Variants in MTR observed in about 807,000 individuals in gnomAD.
MTR encodes the protein 5-methyltetrahydrofolate-homocysteine methyltransferase.
A neutral mutation model predicts 154.8 loss-of-function variants in MTR; 84 were observed. That is an observed-to-expected ratio of 0.54 (90% CI 0.45 to 0.65). The LOEUF is 0.65. Ranked by LOEUF, MTR falls within the 30% of genes least tolerant of loss-of-function variation. The pLI, the probability that MTR is intolerant of heterozygous loss-of-function variation, is 0.00. For missense variants in MTR, 1,275 were observed against 1,570.2 expected (o/e 0.81, Z 3.18); for synonymous variants, 554 against 553.9 (o/e 1.00, Z 0.00).
rs1347818235 is a variant in MTR at position 236,874,711 on chromosome 1, A to T, written c.2474-15A>T. 5.2e-6 allele frequency: 8 copies of T among 1,540,494 alleles called. No individual in the cohort carries two copies. The highest frequency in any genetic ancestry group is 1.8e-4 in the Middle Eastern group (1 of 5,448). On this transcript the variant is annotated splice_polypyrimidine_tract_variant and intron_variant, in intron 23 of 32. Transcript: ENST00000366577. ...GTCCTTTTTGTCCTTTTTTTTTTAAAAAAAAAAAAAATAGATATAATTGGC... is the reference window on the plus strand; with the variant it reads ...GTCCTTTTTGTCCTTTTTTTTTTAATAAAAAAAAAAATAGATATAATTGGC...
chr1:236,836,739 C>T (rs190761789), intron 14 of MTR, among the ~76,000 whole-genome samples: 16 of 152,192 alleles, frequency 1.1e-4, no homozygotes, highest in Non-Finnish European at 1.9e-4. Flanking sequence ...CTTGTCATTC[C>T]TCTGGGAGTA....
intron 1 of MTR, among the ~76,000 whole-genome samples, chr1:236,798,595 C>T (rs191572693): frequency 5.3e-5 from 8 of 152,336 alleles, no homozygotes; most frequent in Admixed American, 3.3e-4. Flanking sequence ...GGACTCTCCT[C>T]TGCACTGCGG....
intron 22 of MTR, 98 bp downstream of exon 22, chr1:236,863,652 G>C: frequency 9.5e-7 from 1 of 1,050,544 alleles, no homozygotes; most frequent in Non-Finnish European, 1.5e-6. Flanking sequence ...GTAGGGCATG[G>C]CAGTGGATGT....
At chr1:236,808,197 A>G (rs998861830) in intron 3 of MTR, among the ~76,000 whole-genome samples, 5 of 152,152 alleles carry the variant, frequency 3.3e-5, no homozygotes, top group Non-Finnish European at 7.3e-5. Context: ...AAGAGGGTTC[A>G]TAGTCCTTTA....
chr1:236,851,808 G>A (rs1663920746), intron 16 of MTR, among the ~76,000 whole-genome samples: 1 of 152,160 alleles, frequency 6.6e-6, no homozygotes, highest in African/African-American at 2.4e-5. Context: ...CTGTGTGGCT[G>A]TAGCTGTTTG....
At chr1:236,857,871 T>C (rs546234796) in intron 18 of MTR, among the ~76,000 whole-genome samples, 5 of 151,852 alleles carry the variant, frequency 3.3e-5, no homozygotes, top group African/African-American at 1.2e-4. Context: ...TTGAGAGAAA[T>C]AAAGGAGGTG....
rs1249121056 is a variant in MTR at position 236,826,860 on chromosome 1, T to G, written c.959T>G (p.Val320Gly). ...DFAMDGLVNI[V>G]GGCCGSTPDH... ...GCTATGGATGGCTTGGTCAATATAG[T>G]TGGAGGATGCTGTGGGTCAACACCA... The change falls in exon 11 of 33, where the codon GTT (valine) becomes GGT (glycine). Residue 320 changes from valine to glycine, a missense_variant. Transcript: ENST00000366577. 6.2e-7 allele frequency: 1 copy of G among 1,614,136 alleles called. No individual in the cohort carries two copies. The highest frequency in any genetic ancestry group is 8.5e-7 in the Non-Finnish European group (1 of 1,180,010).
intron 15 of MTR, among the ~76,000 whole-genome samples, chr1:236,849,213 A>G (rs1469372781): frequency 6.6e-6 from 1 of 152,224 alleles, no homozygotes; most frequent in East Asian, 1.9e-4. Context: ...TACTTTGAGT[A>G]AAAGCAGCAT....
intron 24 of MTR, among the ~76,000 whole-genome samples, chr1:236,876,502 CTT>C (rs1357469596): frequency 6.6e-6 from 1 of 152,074 alleles, no homozygotes; most frequent in African/African-American, 2.4e-5. Context: ...GAATGAAAGA[CTT>C]TAATATCAAC....
At chr1:236,804,904 A>G (rs542078547) in intron 2 of MTR, among the ~76,000 whole-genome samples, 1 of 151,936 alleles carries the variant, frequency 6.6e-6, no homozygotes, top group South Asian at 2.1e-4. Flanking sequence ...TGCTTTACGT[A>G]TCATTCTATT....
intron 28 of MTR, among the ~76,000 whole-genome samples, chr1:236,889,845 G>A (rs1053545205): frequency 2.6e-5 from 4 of 152,218 alleles, no homozygotes; most frequent in African/African-American, 9.7e-5. Flanking sequence ...AGTGTGAGAA[G>A]GCACAGGCAC....
chr1:236,798,024 G>A (rs574687196), intron 1 of MTR, among the ~76,000 whole-genome samples: 2 of 151,834 alleles, frequency 1.3e-5, no homozygotes, highest in East Asian at 3.9e-4. Flanking sequence ...GTGCAAACTA[G>A]AAATTAGAGA....
chr1:236,884,061 AAAT>A (rs1321926696), intron 25 of MTR, among the ~76,000 whole-genome samples: 1 of 152,240 alleles, frequency 6.6e-6, no homozygotes, highest in Non-Finnish European at 1.5e-5. Context: ...TCATAATAAC[AAAT>A]AATATTTAGC....
intron 8 of MTR, among the ~76,000 whole-genome samples, chr1:236,823,796 C>CT (rs59710180): frequency 0.039 from 719 of 18,414 alleles, 256 homozygotes; most frequent in Non-Finnish European, 0.047. Flanking sequence ...CAGGTCAGAT[C>CT]TTTTTTTTTT....
intron 2 of MTR, among the ~76,000 whole-genome samples, chr1:236,805,667 G>A (rs1052230516): frequency 3.3e-5 from 5 of 151,612 alleles, no homozygotes; most frequent in African/African-American, 4.8e-5. Flanking sequence ...CTAATTTTTC[G>A]TGTTGTTTTG....
rs986725740 is a variant in MTR, at chr1:236,897,335, CACACACACAT to C, written c.3712-219_3712-210del. ...GCACACACACACACACACACACACACACACACACATACAGCTTCTAAGCATCAGATGTTTA... is the reference window on the plus strand; with the variant it reads ...GCACACACACACACACACACACACACACAGCTTCTAAGCATCAGATGTTTA... On this transcript the variant is annotated intron_variant, in intron 32 of 32. Coordinates refer to ENST00000366577, the MANE Select transcript of MTR (RefSeq NM_000254.3). 6.2e-4 allele frequency among the ~76,000 whole-genome samples: 94 copies of C among 151,254 alleles called. 2 individuals are homozygous for C. The East Asian group carries it at 0.016, about 26-fold the overall frequency.
Position 236,835,632 on chromosome 1 carries a change from C to G in MTR, c.1274C>G (p.Pro425Arg), listed in dbSNP as rs1662863340. The G allele has an allele frequency of 1.9e-6, 3 of 1,610,554 alleles. No individual in the cohort carries two copies. Among genetic ancestry groups the G allele is most frequent in the African/African-American group, 2.7e-5 (2 of 73,548 alleles). ...VNMDDGMLDG[P>R]SAMTRFCNLI... ...ATGGATGATGGCATGCTAGATGGTC[C>G]AAGTGCAATGACCAGATTTTGCAAC... is the stretch of plus-strand genomic sequence containing the variant. Residue 425 changes from proline to arginine, a missense_variant, in exon 14 of 33, where the codon CCA (proline) becomes CGA (arginine). Physicochemically the swap from Pro to Arg is moderately radical, Grantham distance 103. Coordinates refer to ENST00000366577, the MANE Select transcript of MTR (RefSeq NM_000254.3).
intron 22 of MTR, among the ~76,000 whole-genome samples, chr1:236,865,663 G>C (rs1269707295): frequency 6.6e-6 from 1 of 152,104 alleles, no homozygotes; most frequent in Non-Finnish European, 1.5e-5. Context: ...AAGATATGAT[G>C]CAATAGAATT....
intron 5 of MTR, among the ~76,000 whole-genome samples, chr1:236,811,910 G>A (rs911987498): frequency 2.6e-5 from 4 of 152,216 alleles, no homozygotes; most frequent in Non-Finnish European, 4.4e-5. Context: ...AGAGGACTTT[G>A]TTGTGTAGGC....
Sources: gnomAD v4.1 joint callset for allele counts (sites outside exome capture counted in the v4.1 genomes callset) on GRCh38, gnomAD v4.1.1 for gene constraint, MANE v1.5 for transcripts, NCBI Gene and HGNC (gene_info 2026-07-23, HGNC 2026-07-21) for gene names.